Variants in RXYLT1 observed in about 807,000 individuals in gnomAD.
The protein encoded by RXYLT1 is ribitol-5-phosphate xylosyltransferase 1.
In RXYLT1, 41 loss-of-function variants were observed where a neutral mutation model predicts 43.5. That is an observed-to-expected ratio of 0.94 (90% CI 0.73 to 1.22). The LOEUF (loss-of-function observed/expected upper bound fraction) is 1.22, where lower values mean the gene tolerates loss of function less well. Among genes scored for constraint, RXYLT1 ranks in the 50% most tolerant of loss-of-function variants. RXYLT1 has a pLI of 0.00. For synonymous variants in RXYLT1, 166 were observed against 194.4 expected, an observed-to-expected ratio of 0.85 and a Z score of 1.21; for missense variants, 514 against 532.0, an observed-to-expected ratio of 0.97 and a Z score of 0.33.
chr12:63,785,630 A>C (rs1025194503), intron 3 of RXYLT1, among the ~76,000 whole-genome samples: 2 of 152,054 alleles, frequency 1.3e-5, no homozygotes, highest in African/African-American at 2.4e-5. Context: ...CTATGACTGC[A>C]TATTTTCTGA....
At chr12:63,782,547 C>G (rs1217472102) in intron 2 of RXYLT1, 1 of 456,484 alleles carries the variant, frequency 2.2e-6, no homozygotes, top group African/African-American at 2.0e-5. Flanking sequence ...TTAGTCCAAG[C>G]TGGCAGCGTT....
chr12:63,784,114 T>C (rs1265160737), intron 2 of RXYLT1, among the ~76,000 whole-genome samples: 5 of 152,192 alleles, frequency 3.3e-5, no homozygotes, highest in African/African-American at 1.2e-4. Context: ...TCTTTTGCCA[T>C]GTAAGGTAAC....
chr12:63,793,355 G>C lies in RXYLT1; in HGVS notation c.428+8283G>C, dbSNP rs184695805. ...TTTTCAGGGTTATGTTTACTACTTA[G>C]TGAATTTTAGGCACAGGGTGCACAG... On this transcript the variant is annotated intron_variant, in intron 3 of 5. Coordinates refer to ENST00000261234, the MANE Select transcript of RXYLT1 (RefSeq NM_014254.3). Among the ~76,000 whole-genome samples, 660 of 151,900 alleles carry C rather than the reference G, an allele frequency of 4.3e-3. 6 individuals carry two copies. The highest frequency in any genetic ancestry group is 0.016 in the African/African-American group (645 of 41,430).
chr12:63,801,618 A>G (rs1898160369), intron 3 of RXYLT1, among the ~76,000 whole-genome samples: 2 of 152,094 alleles, frequency 1.3e-5, no homozygotes, highest in Admixed American at 1.3e-4. Context: ...CAAGGAGTTC[A>G]AGACCAGCAT....
intron 5 of RXYLT1, chr12:63,808,180 T>G (rs1358066061): frequency 1.9e-5 from 3 of 156,568 alleles, no homozygotes; most frequent in Admixed American, 6.5e-5. Flanking sequence ...CATCCCCAAC[T>G]CTGTGCTCAG....
chr12:63,802,000 T>C, intron 3 of RXYLT1, 91 bp from the exon 4 acceptor site: 11 of 1,216,736 alleles, frequency 9.0e-6, no homozygotes, highest in Middle Eastern at 2.0e-4. Context: ...AATCTCATTG[T>C]AGATTTTGTA....
At chr12:63,788,609 C>T (rs1015993212) in intron 3 of RXYLT1, among the ~76,000 whole-genome samples, 1 of 152,246 alleles carries the variant, frequency 6.6e-6, no homozygotes, top group African/African-American at 2.4e-5. Context: ...GCAGCTTCCT[C>T]ACCTTTCTCA....
Position 63,802,420 on chromosome 12 carries a change from T to A in RXYLT1, c.743+15T>A. 6.5e-7 allele frequency: 1 copy of A among 1,534,192 alleles called. No individual in the cohort carries two copies. The highest frequency in any genetic ancestry group is 8.8e-7 in the Non-Finnish European group (1 of 1,142,066). On this transcript the variant is annotated intron_variant, in intron 4 of 5. Coordinates refer to ENST00000261234, the MANE Select transcript of RXYLT1 (RefSeq NM_014254.3). ...GGAGTAGCAACGTAAGTACAAAATA[T>A]GATTAAACATTTTTAGGCCCTAACA...
chr12:63,785,142 A>G, intron 3 of RXYLT1, 70 bp downstream of exon 3: 2 of 1,021,822 alleles, frequency 2.0e-6, no homozygotes, highest in South Asian at 2.0e-5. Context: ...TGTAAATACT[A>G]AAAGAAAAAT....
intron 3 of RXYLT1, chr12:63,790,664 A>T (rs1897902018): frequency 6.6e-6 from 1 of 152,312 alleles, no homozygotes; most frequent in Non-Finnish European, 1.5e-5. Context: ...CTGGGATTAC[A>T]GGCGCCCATC....
At chr12:63,800,358 C>T (rs982900323) in intron 3 of RXYLT1, among the ~76,000 whole-genome samples, 22 of 152,078 alleles carry the variant, frequency 1.4e-4, no homozygotes, top group African/African-American at 4.3e-4. Context: ...TTATCCCCAG[C>T]AGTAAGAAGC....
intron 3 of RXYLT1, among the ~76,000 whole-genome samples, chr12:63,792,866 A>T (rs1897948805): frequency 1.3e-5 from 2 of 152,154 alleles, no homozygotes; most frequent in Non-Finnish European, 2.9e-5. Flanking sequence ...GTCACCTCCA[A>T]TATTAAGTAT....
chr12:63,795,353 G>T, intron 3 of RXYLT1: 1 of 152,504 alleles, frequency 6.6e-6, no homozygotes. Flanking sequence ...CCAGCAGTTT[G>T]GGAGGCTGAA....
chr12:63,797,260 A>T (rs1898056528), intron 3 of RXYLT1, among the ~76,000 whole-genome samples: 1 of 152,000 alleles, frequency 6.6e-6, no homozygotes, highest in Non-Finnish European at 1.5e-5. Context: ...CACCATGCCC[A>T]GCCTCATAAA....
At chr12:63,795,716 C>T (rs1436694416) in intron 3 of RXYLT1, 1 of 151,916 alleles carries the variant, frequency 6.6e-6, no homozygotes, top group Non-Finnish European at 1.5e-5. Flanking sequence ...AAATATAATA[C>T]CAGACTCATT....
chr12:63,788,790 T>G (rs1231856605), intron 3 of RXYLT1, among the ~76,000 whole-genome samples: 4 of 152,230 alleles, frequency 2.6e-5, no homozygotes, highest in Non-Finnish European at 5.9e-5. Context: ...GTAGCACTTT[T>G]CATTTCCTTC....
intron 3 of RXYLT1, among the ~76,000 whole-genome samples, chr12:63,793,670 A>G (rs922225432): frequency 6.6e-6 from 1 of 152,178 alleles, no homozygotes; most frequent in African/African-American, 2.4e-5. Context: ...CTGCCTAAAT[A>G]GTAGTAGAAA....
intron 3 of RXYLT1, among the ~76,000 whole-genome samples, chr12:63,794,709 T>C (rs1466653820): frequency 6.6e-6 from 1 of 152,070 alleles, no homozygotes; most frequent in Admixed American, 6.6e-5. Flanking sequence ...TCCCAGCACT[T>C]TGGGAGGCCA....
intron 3 of RXYLT1, among the ~76,000 whole-genome samples, chr12:63,796,619 T>G (rs1012595598): frequency 1.3e-5 from 2 of 152,216 alleles, no homozygotes; most frequent in Admixed American, 1.3e-4. Flanking sequence ...AGTAAAATGT[T>G]TAGTAGTCTT....
Sources: gnomAD v4.1 joint callset for allele counts (sites outside exome capture counted in the v4.1 genomes callset) on GRCh38, gnomAD v4.1.1 for gene constraint, MANE v1.5 for transcripts, NCBI Gene and HGNC (gene_info 2026-07-23, HGNC 2026-07-21) for gene names.